Variants in PLA2G6 observed in about 807,000 individuals in gnomAD.
The protein encoded by PLA2G6 is 85/88 kDa calcium-independent phospholipase A2.
In PLA2G6, 62 loss-of-function variants were observed where a neutral mutation model predicts 83.8. The observed-to-expected ratio is 0.74, with a 90% CI of 0.60 to 0.91. The LOEUF (loss-of-function observed/expected upper bound fraction) is 0.91. Among genes scored for constraint, PLA2G6 ranks in the 40% least tolerant of loss-of-function variants. The probability of loss-of-function intolerance (pLI) is 0.00; values close to 1 mark genes in which losing one functional copy is unlikely to be tolerated. For synonymous variants in PLA2G6, 417 were observed against 449.8 expected, an observed-to-expected ratio of 0.93 and a Z score of 0.92; for missense variants, 944 against 1,102.0, an observed-to-expected ratio of 0.86 and a Z score of 2.03.
intron 2 of PLA2G6, among the ~76,000 whole-genome samples, chr22:38,165,133 G>T (rs1415706147): frequency 6.6e-6 from 1 of 152,250 alleles, no homozygotes; most frequent in East Asian, 1.9e-4. Flanking sequence ...TGCCCTCAAT[G>T]CAACAGTCCT....
Position 38,139,975 on chromosome 22 carries a change from G to A in PLA2G6, c.797+7C>T. On this transcript the variant is annotated splice_region_variant and intron_variant, in intron 5 of 16. Coordinates refer to ENST00000332509, the MANE Select transcript of PLA2G6 (RefSeq NM_003560.4). The stretch of plus-strand genomic sequence containing the variant: ...GGCCAGCAGATGGGGAGGGGAGGAG[G>A]TCTTACCCCTTCTGAGAGAACTTCA... The A allele has an allele frequency of 6.3e-7, 1 of 1,577,342 alleles. No individual in the cohort carries two copies. The highest frequency in any genetic ancestry group is 8.6e-7 in the Non-Finnish European group (1 of 1,159,446).
At chr22:38,113,362 C>T in intron 15 of PLA2G6, 125 bp downstream of exon 15, 1 of 953,072 alleles carries the variant, frequency 1.0e-6, no homozygotes, top group Non-Finnish European at 1.7e-6. Context: ...CTCCAGCTGG[C>T]TAAAGGCGAT....
At position 38,128,078 on chromosome 22, in the gene PLA2G6, A is replaced by G. The variant is rs2087977264; in HGVS notation, c.1348+191T>C. 1 of 613,772 alleles carries G rather than the reference A, an allele frequency of 1.6e-6. No individual in the cohort carries two copies. Among genetic ancestry groups the G allele is most frequent in the Non-Finnish European group, 2.9e-6 (1 of 345,666 alleles). 38.0% of individuals were successfully genotyped at this position (613,772 alleles called of 1,614,324 possible). A position where few individuals can be genotyped will look rare whatever the true frequency, so the allele number is the denominator to read the frequency against. ...CAGGGGCAACGGAGCATGGGACATC[A>G]GCCAGGGACACCCTAGGCCTCTGGG... On this transcript the variant is annotated intron_variant, in intron 9 of 16. Transcript: ENST00000332509. This position sits in a 1 kb window ranked among gnomAD's most constrained non-coding sequence, Gnocchi z 4.4.
chr22:38,115,889 T>C, intron 13 of PLA2G6, 186 bp downstream of exon 13: 1 of 1,472,654 alleles, frequency 6.8e-7, no homozygotes, highest in Non-Finnish European at 9.0e-7. Flanking sequence ...TTCCAGGGAC[T>C]TTTCTAACCT....
intron 2 of PLA2G6, among the ~76,000 whole-genome samples, chr22:38,161,793 G>C (rs1019607462): frequency 2.0e-5 from 3 of 152,140 alleles, no homozygotes; most frequent in African/African-American, 7.2e-5. Context: ...AGGGGAAGGG[G>C]CTGCAGGCTG....
intron 6 of PLA2G6, 35 bp from the exon 7 acceptor site, chr22:38,133,048 A>G (rs1305521745): frequency 6.5e-7 from 1 of 1,541,832 alleles, no homozygotes; most frequent in Non-Finnish European, 8.7e-7. Context: ...TAGCACAGGC[A>G]CTCGGGGAGC....
rs138139283 is a variant in PLA2G6 at position 38,126,427 on chromosome 22, G to A, written c.1371C>T (p.Ile457=). 44 of 1,613,446 alleles carry A rather than the reference G, an allele frequency of 2.7e-5. No individual in the cohort carries two copies. The highest frequency in any genetic ancestry group is 3.4e-5 in the Non-Finnish European group (40 of 1,179,864). The change falls in exon 10 of 17, where the codon ATC becomes ATT. Residue 457 remains isoleucine (I), a synonymous_variant. Transcript: ENST00000332509. Reference sequence around the variant, plus strand: ...TGAACGCTGGCTTCCGGGCCCGTGAGATGTGCATGAGATCCTGTAGTTCTG... The same window carrying A: ...TGAACGCTGGCTTCCGGGCCCGTGAAATGTGCATGAGATCCTGTAGTTCTG... ...NNLELQDLMH[I]SRARKPAFIL... is the part of the protein sequence containing the mutation.
At chr22:38,141,626 A>G (rs1039210305) in intron 4 of PLA2G6, 5 of 152,152 alleles carry the variant, frequency 3.3e-5, no homozygotes, top group African/African-American at 9.7e-5. Context: ...TTCTTCGGAG[A>G]GGAAAGGGGA....
In PLA2G6 at chr22:38,113,523, A is replaced by G; in HGVS notation, c.2166T>C (p.Phe722=). The stretch of plus-strand genomic sequence containing the variant: ...CCATCTTGCCCAGTTCCTTGGCCCC[A>G]AAAACAGTCTTGGCCAGCTCCCAGG... ...SNPWELAKTV[F]GAKELGKMVV... The change falls in exon 15 of 17, where the codon TTT becomes TTC. Residue 722 remains phenylalanine, a synonymous_variant. Coordinates refer to ENST00000332509, the MANE Select transcript of PLA2G6 (RefSeq NM_003560.4). 8.1e-6 allele frequency: 13 copies of G among 1,613,952 alleles called. No individual in the cohort carries two copies. Among genetic ancestry groups the G allele is most frequent in the African/African-American group, 1.3e-5 (1 of 75,054 alleles).
intron 1 of PLA2G6, among the ~76,000 whole-genome samples, chr22:38,178,798 G>T (rs887821663): frequency 6.6e-6 from 1 of 151,844 alleles, no homozygotes; most frequent in African/African-American, 2.4e-5. Flanking sequence ...CCCAGGAGGC[G>T]GAGGCTGCAG....
intron 2 of PLA2G6, among the ~76,000 whole-genome samples, chr22:38,154,505 G>A (rs1376136528): frequency 6.6e-6 from 1 of 152,260 alleles, no homozygotes; most frequent in African/African-American, 2.4e-5. Context: ...GACCACCCAA[G>A]TGGTACCTTT....
chr22:38,137,094 C>T (rs533291005), intron 5 of PLA2G6: 8 of 152,224 alleles, frequency 5.3e-5, no homozygotes, highest in Admixed American at 2.6e-4. Context: ...GTGAAATAGC[C>T]CACATGAAGG....
Position 38,112,561 on chromosome 22 carries a change from C to T in PLA2G6, c.2219G>A (p.Gly740Glu). 1 of 1,552,216 alleles carries T rather than the reference C, an allele frequency of 6.4e-7. No homozygotes were observed. The highest frequency in any genetic ancestry group is 8.7e-7 in the Non-Finnish European group (1 of 1,148,742). The change falls in exon 16 of 17, where the codon GGG becomes GAG. Residue 740 changes from glycine (G) to glutamate (E), a missense_variant. Coordinates refer to ENST00000332509, the MANE Select transcript of PLA2G6 (RefSeq NM_003560.4). ...MVVDCCTDPD[G>E]RAVDRARAWC... ...GGCCCGTGCCCGGTCCACAGCCCGCCCGTCTGGATCCGTGCACTGGTGAGA... is the reference window on the plus strand; with the variant it reads ...GGCCCGTGCCCGGTCCACAGCCCGCTCGTCTGGATCCGTGCACTGGTGAGA...
intron 3 of PLA2G6, 81 bp from the exon 4 acceptor site, chr22:38,143,369 A>T: frequency 2.2e-6 from 3 of 1,337,926 alleles, no homozygotes; most frequent in Non-Finnish European, 2.1e-6. Context: ...CATGCAGGGA[A>T]GTGCACTCGG....
chr22:38,160,663 G>T (rs137997496), intron 2 of PLA2G6, among the ~76,000 whole-genome samples: 2,438 of 152,232 alleles, frequency 0.016, 70 homozygotes, highest in African/African-American at 0.056. Context: ...TGGCTAACAC[G>T]GTGAAACCTC....
chr22:38,161,965 G>A (rs1444384068), intron 2 of PLA2G6, among the ~76,000 whole-genome samples: 2 of 152,124 alleles, frequency 1.3e-5, no homozygotes, highest in African/African-American at 4.8e-5. Flanking sequence ...AGCACTTTGG[G>A]AGGCCAAGGC....
At chr22:38,169,193 T>C in intron 2 of PLA2G6, 25 bp downstream of exon 2, 1 of 1,568,122 alleles carries the variant, frequency 6.4e-7, no homozygotes, top group Non-Finnish European at 8.8e-7. Flanking sequence ...AGGAGAGAAG[T>C]ATGTTCCCGC....
chr22:38,179,511 C>T lies in PLA2G6; in HGVS notation c.-46+2153G>A, dbSNP rs551341586. On this transcript the variant is annotated intron_variant, in intron 1 of 16. Coordinates refer to ENST00000332509, the MANE Select transcript of PLA2G6 (RefSeq NM_003560.4). The stretch of plus-strand genomic sequence containing the variant: ...AAACTCTTAAGTTTGAGGCCTGGCG[C>T]GGTGGCTCACACCTGTAATCCCACC... 9.9e-5 allele frequency among the ~76,000 whole-genome samples: 15 copies of T among 152,198 alleles called. No individual in the cohort carries two copies. The East Asian group carries it at 2.1e-3, about 22-fold the overall frequency.
Position 38,169,285 on chromosome 22 carries a change from G to A in PLA2G6, c.142C>T (p.Gln48Ter). ...VREEGQLILFQNTPNRTWDCV... is the reference protein window; with the variant it reads ...VREEGQLILF Reference sequence around the variant, plus strand: ...TCCCAGGTGCGGTTGGGAGTGTTCTGGAACAGAATCAGCTGCCCTTCCTCC... The same window carrying A: ...TCCCAGGTGCGGTTGGGAGTGTTCTAGAACAGAATCAGCTGCCCTTCCTCC... The change falls in exon 2 of 17, where the codon CAG (glutamine) becomes TAG (stop). Residue 48 changes from glutamine to a stop codon, truncating the protein, a stop_gained. Coordinates refer to ENST00000332509, the MANE Select transcript of PLA2G6 (RefSeq NM_003560.4). LOFTEE classifies it high-confidence loss of function. 6.2e-7 allele frequency: 1 copy of A among 1,614,206 alleles called. No homozygotes were observed. Among genetic ancestry groups the A allele is most frequent in the East Asian group, 2.2e-5 (1 of 44,890 alleles).
Sources: gnomAD v4.1 joint callset for allele counts (sites outside exome capture counted in the v4.1 genomes callset) on GRCh38, gnomAD v4.1.1 for gene constraint, Gnocchi (gnomAD v3.1) non-coding constraint, MANE v1.5 for transcripts, NCBI Gene and HGNC (gene_info 2026-07-23, HGNC 2026-07-21) for gene names.